FBXO3: variants seen among roughly 807,000 people sequenced by gnomAD.
The protein encoded by FBXO3 is F-box protein 3.
A neutral mutation model predicts 64.8 loss-of-function variants in FBXO3; 17 were observed. The ratio of observed to expected loss-of-function variants is 0.26; its 90% CI spans 0.18 to 0.39. FBXO3 has a LOEUF of 0.39. FBXO3 is among the 10% of genes least tolerant of loss of function. The probability of loss-of-function intolerance (pLI) is 1.00; values close to 1 mark genes in which losing one functional copy is unlikely to be tolerated. For synonymous variants in FBXO3, 182 were observed against 201.6 expected, an observed-to-expected ratio of 0.90 and a Z score of 0.82; for missense variants, 420 against 589.9, an observed-to-expected ratio of 0.71 and a Z score of 2.98.
At chr11:33,746,953 G>A in intron 10 of FBXO3, 177 bp downstream of exon 10, 11 of 1,457,204 alleles carry the variant, frequency 7.5e-6, no homozygotes, top group Non-Finnish European at 9.0e-6. Context: ...TAGAGACTAT[G>A]GAGCCTCATT....
At chr11:33,768,444 C>T (rs1386128689) in intron 3 of FBXO3, among the ~76,000 whole-genome samples, 3 of 152,102 alleles carry the variant, frequency 2.0e-5, no homozygotes, top group Non-Finnish European at 2.9e-5. Context: ...ATTAGACTAT[C>T]AGACATTTAC....
chr11:33,765,556 T>C (rs536897069), intron 3 of FBXO3, among the ~76,000 whole-genome samples: 43 of 152,222 alleles, frequency 2.8e-4, no homozygotes, highest in Non-Finnish European at 5.1e-4. Context: ...CCAACTGTAA[T>C]AGAATTTGGG....
rs1855439814 is a variant in FBXO3 at position 33,768,881 on chromosome 11, T to C, written c.328A>G (p.Arg110Gly). The part of the protein sequence containing the change: ...WDDLKKYLEP[R>G]CPRMVLSLKE... ...AGAGATAAAACCATCCGAGGACACC[T>C]GGGCTCCAAATATTTCTTGAGATCA... is the stretch of plus-strand genomic sequence containing the variant. Residue 110 changes from arginine to glycine, a missense_variant, in exon 3 of 11, where the codon AGG (arginine) becomes GGG (glycine). This residue lies in a region of FBXO3 where 337 missense variants were observed against 518.4 expected (regional missense o/e 0.65). Coordinates refer to ENST00000265651, the MANE Select transcript of FBXO3 (RefSeq NM_012175.4). 1 of 1,614,002 alleles carries C rather than the reference T, an allele frequency of 6.2e-7. No homozygotes were observed. The highest frequency in any genetic ancestry group is 1.7e-5 in the Admixed American group (1 of 59,996).
At chr11:33,749,471 C>A (rs184115024) in intron 8 of FBXO3, among the ~76,000 whole-genome samples, 1 of 151,658 alleles carries the variant, frequency 6.6e-6, no homozygotes, top group Non-Finnish European at 1.5e-5. Flanking sequence ...AGCCATTCTT[C>A]CGCCTCAGCT....
At chr11:33,758,163 A>G (rs1321067798) in intron 4 of FBXO3, among the ~76,000 whole-genome samples, 1 of 152,154 alleles carries the variant, frequency 6.6e-6, no homozygotes, top group Non-Finnish European at 1.5e-5. Flanking sequence ...GCCTGTAATA[A>G]GATACACATT....
In FBXO3 at chr11:33,754,578, T is replaced by C. The variant is rs1051589658; in HGVS notation, c.679-78A>G. 30 of 1,265,394 alleles carry C rather than the reference T, an allele frequency of 2.4e-5. No homozygotes were observed. In the African/African-American group the frequency reaches 3.5e-4, roughly 15 times the overall value. 78.4% of individuals were successfully genotyped at this position (1,265,394 alleles called of 1,614,324 possible). A position where few individuals can be genotyped will look rare whatever the true frequency, so the allele number is the denominator to read the frequency against. ...ATTGTTCATTATCTGTATCTTTCCC[T>C]GGAGACGAGGCAAAACAGATAAAAA... On this transcript the variant is annotated intron_variant, in intron 5 of 10. Transcript: ENST00000265651.
chr11:33,755,232 A>G (rs1039758891), intron 5 of FBXO3, among the ~76,000 whole-genome samples: 27 of 152,186 alleles, frequency 1.8e-4, no homozygotes, highest in Non-Finnish European at 3.7e-4. Context: ...ATCTAGGCAA[A>G]AATGAAGGCA....
chr11:33,757,202 A>T (rs902388187), intron 4 of FBXO3, among the ~76,000 whole-genome samples: 8 of 152,188 alleles, frequency 5.3e-5, no homozygotes, highest in African/African-American at 1.9e-4. Flanking sequence ...AATTCTTATT[A>T]GCATTTCACA....
At chr11:33,747,406 G>T in intron 9 of FBXO3, 86 bp from the exon 10 acceptor site, 1 of 1,058,578 alleles carries the variant, frequency 9.4e-7, no homozygotes, top group Non-Finnish European at 1.4e-6. Context: ...ATGGCATTAT[G>T]TAAACTATAT....
Position 33,751,554 on chromosome 11 carries a change from C to T in FBXO3, c.778G>A (p.Gly260Ser). 6.2e-7 allele frequency: 1 copy of T among 1,608,892 alleles called. No individual in the cohort carries two copies. The highest frequency in any genetic ancestry group is 8.5e-7 in the Non-Finnish European group (1 of 1,177,948). ...ATTTGGTCTCTGATGATGGGGAAGC[C>T]ACCTGATACAACATTTTTGACATAA... is the stretch of plus-strand genomic sequence containing the variant. ...TSYVKNVVSG[G>S]FPIIRDQIFR... Residue 260 changes from glycine to serine, a missense_variant, in exon 7 of 11, where the codon GGC becomes AGC. Gly to Ser is a moderately conservative substitution (Grantham distance 56, BLOSUM62 0). This residue lies in a region of FBXO3 where 337 missense variants were observed against 518.4 expected (regional missense o/e 0.65). Coordinates refer to ENST00000265651, the MANE Select transcript of FBXO3 (RefSeq NM_012175.4).
At position 33,743,481 on chromosome 11, in the gene FBXO3, T is replaced by C. The variant is rs1211031239; in HGVS notation, c.1240-1397A>G. 6.6e-6 allele frequency: 1 copy of C among 152,220 alleles called. No homozygotes were observed. The highest frequency in any genetic ancestry group is 1.5e-5 in the Non-Finnish European group (1 of 68,062). 9.4% of individuals were successfully genotyped at this position (152,220 alleles called of 1,614,324 possible). ...GAATTCTGAACAGCAAGGACCTACT[T>C]GGTATTCTGGAAAGTATGGGGCAAC... On this transcript the variant is annotated intron_variant, in intron 10 of 10. Transcript: ENST00000265651. This position sits in a 1 kb window ranked among gnomAD's most constrained non-coding sequence, Gnocchi z 4.6.
chr11:33,750,128 T>C (rs922079849), intron 8 of FBXO3, among the ~76,000 whole-genome samples: 19 of 152,264 alleles, frequency 1.2e-4, no homozygotes, highest in Non-Finnish European at 7.4e-5. Context: ...TAACACTATG[T>C]CTGACATCCA....
intron 3 of FBXO3, chr11:33,763,113 T>C (rs1008667578): frequency 1.5e-5 from 3 of 203,216 alleles, no homozygotes; most frequent in African/African-American, 4.6e-5. Flanking sequence ...GAATCCATAA[T>C]TTAAAACTTT....
intron 10 of FBXO3, chr11:33,745,878 C>T (rs922562638): frequency 6.6e-5 from 10 of 151,978 alleles, no homozygotes; most frequent in Non-Finnish European, 1.5e-4. Context: ...AAACCCCTAA[C>T]TAAAGCAATG....
chr11:33,766,702 T>C (rs986185875), intron 3 of FBXO3, among the ~76,000 whole-genome samples: 1 of 152,212 alleles, frequency 6.6e-6, no homozygotes, highest in African/African-American at 2.4e-5. Context: ...CTTTCTGATT[T>C]TCCTTTTTAT....
intron 3 of FBXO3, 174 bp downstream of exon 3, chr11:33,768,677 C>T: frequency 1.6e-6 from 1 of 641,322 alleles, no homozygotes; most frequent in Non-Finnish European, 2.7e-6. Context: ...TGAGAAAAAA[C>T]AGGGTAAGCA....
At chr11:33,774,148 T>C in intron 1 of FBXO3, 1 of 448,672 alleles carries the variant, frequency 2.2e-6, no homozygotes, top group Non-Finnish European at 4.0e-6. Context: ...CACCGAGGCC[T>C]GGGAGAGAGA....
intron 5 of FBXO3, 105 bp downstream of exon 5, chr11:33,755,666 T>C: frequency 1.2e-6 from 1 of 821,964 alleles, no homozygotes; most frequent in Non-Finnish European, 2.1e-6. Context: ...CTAAAATGCA[T>C]AATATTCTAT....
At chr11:33,773,630 C>T (rs1272860054) in intron 1 of FBXO3, 2 of 152,238 alleles carry the variant, frequency 1.3e-5, no homozygotes, top group Non-Finnish European at 2.9e-5. Context: ...ATTTCTTCCA[C>T]CACCCCAGAC....
Sources: allele counts gnomAD v4.1 joint callset (sites outside exome capture counted in the v4.1 genomes callset), GRCh38; gene constraint gnomAD v4.1.1; regional missense constraint gnomAD v4.1.1; non-coding constraint Gnocchi (gnomAD v3.1); transcripts MANE v1.5; gene names NCBI Gene and HGNC (gene_info 2026-07-23, HGNC 2026-07-21).